The following NAV2 variants were observed in gnomAD, a reference collection of about 807,000 sequenced individuals.
The protein encoded by NAV2 is neuron navigator 2, also known as helicase, APC down-regulated 1.
Under a neutral mutation model 223.2 loss-of-function variants are expected in NAV2, and 54 were observed. The observed-to-expected ratio is 0.24, with a 90% CI of 0.19 to 0.30. The LOEUF (loss-of-function observed/expected upper bound fraction) is 0.30, where lower values mean the gene tolerates loss of function less well. Among genes scored for constraint, NAV2 ranks in the 10% least tolerant of loss-of-function variants. NAV2 has a pLI of 1.00. For synonymous variants in NAV2, 1,279 were observed against 1,239.3 expected (o/e 1.03, Z -0.67); for missense variants, 2,806 against 3,147.5 (o/e 0.89, Z 2.60).
At chr11:19,389,035 G>GT (rs1327284726) in intron 1 of NAV2, among the ~76,000 whole-genome samples, 2 of 152,146 alleles carry the variant, frequency 1.3e-5, no homozygotes, top group Non-Finnish European at 2.9e-5. Flanking sequence ...TAACATTCTG[G>GT]TTTTTTACCA....
intron 1 of NAV2, among the ~76,000 whole-genome samples, chr11:19,747,696 T>C (rs1398354819): frequency 6.6e-6 from 1 of 152,190 alleles, no homozygotes; most frequent in Non-Finnish European, 1.5e-5. Flanking sequence ...CCCCTGACTA[T>C]CTTTAGGCAG....
intron 1 of NAV2, among the ~76,000 whole-genome samples, chr11:19,652,191 G>C (rs567856968): frequency 6.6e-6 from 1 of 152,268 alleles, no homozygotes; most frequent in South Asian, 2.1e-4. Flanking sequence ...CCTTCATTCA[G>C]AATCTACCCA....
Position 19,998,293 on chromosome 11 carries a change from C to T in NAV2, c.2768+14046C>T, listed in dbSNP as rs763819731. Among the ~76,000 whole-genome samples the T allele has an allele frequency of 1.3e-5, 2 of 151,762 alleles. No homozygotes were observed. Among genetic ancestry groups the T allele is most frequent in the Non-Finnish European group, 2.9e-5 (2 of 67,970 alleles). On this transcript the variant is annotated intron_variant, in intron 11 of 37. Transcript: ENST00000349880. This position sits in a 1 kb window ranked among gnomAD's most constrained non-coding sequence, Gnocchi z 5.0. ...TGCTTCTCTCTCTCCCTCTCTCCGC[C>T]CACCTCCCTCTCCTTCTCTCTCATT...
intron 7 of NAV2, among the ~76,000 whole-genome samples, chr11:19,939,148 CAG>C (rs1184174231): frequency 1.3e-4 from 20 of 152,148 alleles, no homozygotes; most frequent in Non-Finnish European, 2.9e-4. Context: ...AGCTCTGAAT[CAG>C]AGACCTGGAG....
intron 1 of NAV2, among the ~76,000 whole-genome samples, chr11:19,651,560 G>A (rs2047968583): frequency 1.3e-5 from 2 of 152,146 alleles, no homozygotes; most frequent in Admixed American, 1.3e-4. Context: ...GTTACCTAGA[G>A]GTCAAGATTC....
intron 1 of NAV2, among the ~76,000 whole-genome samples, chr11:19,748,188 A>G (rs2053532759): frequency 6.6e-6 from 1 of 152,220 alleles, no homozygotes. Context: ...CAGCTTGTTC[A>G]GAGGCCCTTA....
intron 37 of NAV2, 120 bp downstream of exon 37, chr11:20,114,915 G>A (rs1196890883): frequency 6.5e-5 from 64 of 988,028 alleles, no homozygotes; most frequent in Non-Finnish European, 8.8e-5. Flanking sequence ...TGGAAGGCTG[G>A]ACCCAAATGA....
rs182716212 is a variant in NAV2 at position 20,004,892 on chromosome 11, G to A, written c.2768+20645G>A. On this transcript the variant is annotated intron_variant, in intron 11 of 37. Coordinates refer to ENST00000349880, the MANE Select transcript of NAV2 (RefSeq NM_145117.5). ...TTAAGAGCAAAGGCTCCAGAATAGGGTTCAGCTCAAATCCCAGCTCAGTCA... is the reference window on the plus strand; with the variant it reads ...TTAAGAGCAAAGGCTCCAGAATAGGATTCAGCTCAAATCCCAGCTCAGTCA... Among the ~76,000 whole-genome samples the A allele has an allele frequency of 4.8e-3, 724 of 152,196 alleles. 3 individuals are homozygous for A. The highest frequency in any genetic ancestry group is 0.017 in the African/African-American group (699 of 41,524).
At chr11:20,053,975 C>A in intron 17 of NAV2, 105 bp from the exon 18 acceptor site, 2 of 1,196,310 alleles carry the variant, frequency 1.7e-6, no homozygotes, top group Non-Finnish European at 2.3e-6. Context: ...AAAAAATCAT[C>A]TTCGGATATA....
intron 2 of NAV2, among the ~76,000 whole-genome samples, chr11:19,840,998 A>G (rs959316903): frequency 1.3e-5 from 2 of 152,232 alleles, no homozygotes; most frequent in Admixed American, 6.5e-5. Context: ...ACAAACATCT[A>G]TGAGTTATTC....
At chr11:19,741,683 GTGTGTATATATA>G (rs1446538082) in intron 1 of NAV2, among the ~76,000 whole-genome samples, 1 of 16,814 alleles carries the variant, frequency 5.9e-5, no homozygotes, top group Non-Finnish European at 1.5e-4. Flanking sequence ...TCATGTGTGT[GTGTGTATATATA>G]TATATATATA....
intron 3 of NAV2, among the ~76,000 whole-genome samples, chr11:19,843,964 A>G (rs2060644568): frequency 6.6e-6 from 1 of 152,180 alleles, no homozygotes; most frequent in Non-Finnish European, 1.5e-5. Flanking sequence ...CACATTTTGA[A>G]TATAAAGATG....
chr11:19,541,018 T>C (rs539487120), intron 1 of NAV2, among the ~76,000 whole-genome samples: 2 of 152,372 alleles, frequency 1.3e-5, no homozygotes, highest in South Asian at 4.1e-4. Context: ...GAAAGAATCC[T>C]GTTAATGTTG....
At chr11:19,959,544 G>A (rs998385814) in intron 10 of NAV2, among the ~76,000 whole-genome samples, 11 of 152,326 alleles carry the variant, frequency 7.2e-5, no homozygotes, top group African/African-American at 2.4e-4. Flanking sequence ...GGTGACACAG[G>A]CAAAGTGCTA....
At chr11:19,697,096 C>T (rs1264920241) in intron 1 of NAV2, among the ~76,000 whole-genome samples, 1 of 152,110 alleles carries the variant, frequency 6.6e-6, no homozygotes, top group Non-Finnish European at 1.5e-5. Flanking sequence ...TACTATGCAG[C>T]CATAAAAAAG....
At chr11:19,492,483 G>A (rs1008440904) in intron 1 of NAV2, among the ~76,000 whole-genome samples, 1 of 152,000 alleles carries the variant, frequency 6.6e-6, no homozygotes, top group Admixed American at 6.6e-5. Context: ...AAATTTGGAT[G>A]TGATGGCTGT....
intron 16 of NAV2, among the ~76,000 whole-genome samples, chr11:20,050,586 A>C (rs1476899914): frequency 1.5e-4 from 23 of 152,050 alleles, no homozygotes; most frequent in Admixed American, 1.4e-3. Flanking sequence ...AAAAAAAAAA[A>C]AAAAACCTTC....
intron 1 of NAV2, among the ~76,000 whole-genome samples, chr11:19,551,911 C>G (rs1304935403): frequency 6.6e-6 from 1 of 152,208 alleles, no homozygotes; most frequent in Non-Finnish European, 1.5e-5. Flanking sequence ...CTCTCTCTCT[C>G]TCTCTCTCTC....
intron 1 of NAV2, among the ~76,000 whole-genome samples, chr11:19,527,899 G>A (rs2043892879): frequency 6.6e-6 from 1 of 150,800 alleles, no homozygotes; most frequent in Admixed American, 6.6e-5. Context: ...GTGGGGTTGA[G>A]GGTGCAGCCA....
Sources: allele counts gnomAD v4.1 joint callset (sites outside exome capture counted in the v4.1 genomes callset), GRCh38; gene constraint gnomAD v4.1.1; non-coding constraint Gnocchi (gnomAD v3.1); transcripts MANE v1.5; gene names NCBI Gene and HGNC (gene_info 2026-07-23, HGNC 2026-07-21).